GRM8: variants seen among roughly 807,000 people sequenced by gnomAD.
GRM8 encodes the protein metabotropic glutamate receptor 8.
In GRM8, 47 loss-of-function variants were observed where a neutral mutation model predicts 87.2. That is an observed-to-expected ratio of 0.54 (90% CI 0.43 to 0.69). GRM8 has a LOEUF of 0.69. Among genes scored for constraint, GRM8 ranks in the 30% least tolerant of loss-of-function variants. The pLI is 0.00. For missense variants in GRM8, 1,019 were observed against 1,139.2 expected (o/e 0.89, Z 1.52); for synonymous variants, 396 against 404.5 (o/e 0.98, Z 0.25).
intron 7 of GRM8, among the ~76,000 whole-genome samples, chr7:126,707,252 C>T (rs1011530098): frequency 3.9e-5 from 6 of 152,090 alleles, no homozygotes; most frequent in African/African-American, 1.4e-4. Flanking sequence ...GGTAGATTAA[C>T]TTTCACCTCC....
chr7:127,125,765 A>AACACACACACACACACACACACAC (rs375563287), intron 2 of GRM8, among the ~76,000 whole-genome samples: 2 of 141,190 alleles, frequency 1.4e-5, no homozygotes, highest in South Asian at 2.3e-4. Context: ...CAAACAACTA[A>AACACACACACACACACACACACAC]ACACACACAC....
intron 3 of GRM8, among the ~76,000 whole-genome samples, chr7:127,018,034 A>G (rs17869984): frequency 6.6e-6 from 1 of 152,140 alleles, no homozygotes; most frequent in Non-Finnish European, 1.5e-5. Context: ...TACAGATTCA[A>G]AGTAAATATG....
chr7:127,230,281 T>G (rs1797601359), intron 2 of GRM8, among the ~76,000 whole-genome samples: 1 of 152,128 alleles, frequency 6.6e-6, no homozygotes, highest in Non-Finnish European at 1.5e-5. Context: ...TTCCCCATTT[T>G]TAATCCTCCT....
chr7:127,048,876 G>A, intron 3 of GRM8, among the ~76,000 whole-genome samples: 1 of 152,076 alleles, frequency 6.6e-6, no homozygotes, highest in East Asian at 1.9e-4. Context: ...TAAAAAACTA[G>A]TTGGATGCTA....
At chr7:127,132,312 C>A (rs1169531372) in intron 2 of GRM8, among the ~76,000 whole-genome samples, 1 of 152,222 alleles carries the variant, frequency 6.6e-6, no homozygotes, top group African/African-American at 2.4e-5. Flanking sequence ...CTACTCATCC[C>A]AATTCCTTTG....
chr7:127,206,604 C>T (rs1254479853), intron 2 of GRM8, among the ~76,000 whole-genome samples: 1 of 152,156 alleles, frequency 6.6e-6, no homozygotes, highest in East Asian at 1.9e-4. Context: ...AATTAGTGTG[C>T]CTCCGTAACA....
chr7:127,106,663 G>A lies in GRM8; in HGVS notation c.560C>T (p.Thr187Ile). 6.2e-7 allele frequency: 1 copy of A among 1,613,830 alleles called. No homozygotes were observed. Among genetic ancestry groups the A allele is most frequent in the Non-Finnish European group, 8.5e-7 (1 of 1,179,816 alleles). Residue 187 changes from threonine to isoleucine, a missense_variant, in exon 3 of 11, where the codon ACC (threonine) becomes ATC (isoleucine). Thr to Ile is a moderately conservative substitution (Grantham distance 89, BLOSUM62 -1). Transcript: ENST00000339582. ...ASTAPELSDN[T>I]RYDFFSRVVP... ...CACTCGAGAGAAAAAGTCATACCTG[G>A]TGTTATCACTTAGCTCTGGGGCTGT...
intron 2 of GRM8, among the ~76,000 whole-genome samples, chr7:127,158,206 C>G (rs1792860307): frequency 6.6e-6 from 1 of 152,174 alleles, no homozygotes; most frequent in South Asian, 2.1e-4. Flanking sequence ...CTTACCCCAC[C>G]TCAAGAGAGT....
At chr7:126,534,448 G>C (rs898283739) in intron 8 of GRM8, among the ~76,000 whole-genome samples, 3 of 152,114 alleles carry the variant, frequency 2.0e-5, no homozygotes, top group African/African-American at 7.2e-5. Flanking sequence ...CCCTGTTTAG[G>C]CTTGAAATAT....
At chr7:126,712,699 A>C (rs1265896606) in intron 7 of GRM8, among the ~76,000 whole-genome samples, 1 of 152,228 alleles carries the variant, frequency 6.6e-6, no homozygotes, top group Non-Finnish European at 1.5e-5. Context: ...CAATCTATCC[A>C]TCTGACAAAG....
intron 3 of GRM8, among the ~76,000 whole-genome samples, chr7:127,027,588 T>C (rs1403654875): frequency 1.3e-5 from 2 of 152,198 alleles, no homozygotes; most frequent in South Asian, 2.1e-4. Context: ...TTTTATTCTC[T>C]TTGAAGCAAT....
intron 3 of GRM8, among the ~76,000 whole-genome samples, chr7:127,100,576 G>C (rs748178532): frequency 1.3e-5 from 2 of 152,246 alleles, no homozygotes; most frequent in Non-Finnish European, 2.9e-5. Context: ...GTTCCACATG[G>C]CTGGGGGTGG....
chr7:126,526,531 T>G (rs1813877460), intron 9 of GRM8, among the ~76,000 whole-genome samples: 1 of 152,172 alleles, frequency 6.6e-6, no homozygotes, highest in Admixed American at 6.5e-5. Context: ...AATACCACAA[T>G]GTCACTAATA....
intron 9 of GRM8, 98 bp from the exon 10 acceptor site, chr7:126,446,470 G>A: frequency 2.6e-6 from 2 of 774,842 alleles, no homozygotes; most frequent in Non-Finnish European, 4.1e-6. Context: ...CAGCTTCTCT[G>A]CTAAAGGCAC....
chr7:127,249,156 A>C (rs1456387874), intron 1 of GRM8, among the ~76,000 whole-genome samples: 1 of 152,204 alleles, frequency 6.6e-6, no homozygotes, highest in Non-Finnish European at 1.5e-5. Context: ...AATTGGCAAC[A>C]CATGTGTCCA....
At chr7:126,743,524 C>T (rs10954133) in intron 7 of GRM8, among the ~76,000 whole-genome samples, 59,478 of 151,714 alleles carry the variant, frequency 0.39, 12,832 homozygotes, top group Non-Finnish European at 0.48. Flanking sequence ...GCACCTGGAG[C>T]GAAAATGGAA....
At chr7:126,525,858 T>C (rs1319033423) in intron 9 of GRM8, among the ~76,000 whole-genome samples, 1 of 152,204 alleles carries the variant, frequency 6.6e-6, no homozygotes, top group South Asian at 2.1e-4. Flanking sequence ...GTGCCAGCCA[T>C]TATCTTGAAC....
At chr7:126,814,685 A>G (rs1203859373) in intron 6 of GRM8, among the ~76,000 whole-genome samples, 1 of 148,554 alleles carries the variant, frequency 6.7e-6, no homozygotes, top group African/African-American at 2.5e-5. Flanking sequence ...TCATCCACTA[A>G]TAATGGTTCT....
At chr7:126,527,064 A>T (rs1813962267) in intron 9 of GRM8, among the ~76,000 whole-genome samples, 1 of 152,222 alleles carries the variant, frequency 6.6e-6, no homozygotes, top group Non-Finnish European at 1.5e-5. Flanking sequence ...AGGAAAGAAA[A>T]TGTTATATAG....
Sources: gnomAD v4.1 joint callset for allele counts (sites outside exome capture counted in the v4.1 genomes callset) on GRCh38, gnomAD v4.1.1 for gene constraint, MANE v1.5 for transcripts, NCBI Gene and HGNC (gene_info 2026-07-23, HGNC 2026-07-21) for gene names.